Variants in GRID1 observed in about 807,000 individuals in gnomAD.
GRID1 encodes glutamate receptor ionotropic, delta-1.
Under a neutral mutation model 98.0 loss-of-function variants are expected in GRID1, and 28 were observed. That is an observed-to-expected ratio of 0.29 (90% CI 0.21 to 0.39). The LOEUF is 0.39. Among genes scored for constraint, GRID1 ranks in the 10% least tolerant of loss-of-function variants. The pLI is 1.00. For synonymous variants in GRID1, 553 were observed against 538.5 expected, an observed-to-expected ratio of 1.03 and a Z score of -0.37; for missense variants, 1,111 against 1,340.5, an observed-to-expected ratio of 0.83 and a Z score of 2.67.
At chr10:85,855,289 A>G (rs1278843500) in intron 7 of GRID1, among the ~76,000 whole-genome samples, 1 of 152,262 alleles carries the variant, frequency 6.6e-6, no homozygotes, top group Non-Finnish European at 1.5e-5. Flanking sequence ...TTCATAGGAG[A>G]AGGAGGCAGC....
intron 3 of GRID1, among the ~76,000 whole-genome samples, chr10:86,143,358 A>T (rs760500726): frequency 2.6e-5 from 4 of 152,132 alleles, no homozygotes; most frequent in Non-Finnish European, 4.4e-5. Context: ...TCCCTTCAAG[A>T]AACCAAATTT....
chr10:86,253,116 G>T (rs1335301529), intron 2 of GRID1, among the ~76,000 whole-genome samples: 1 of 152,188 alleles, frequency 6.6e-6, no homozygotes, highest in African/African-American at 2.4e-5. Flanking sequence ...TCCGAAAAGG[G>T]TTACTTTTTG....
In GRID1 at chr10:85,617,589, C is replaced by A. The variant is rs116870227; in HGVS notation, c.2360+2278G>T. Among the ~76,000 whole-genome samples, 410 of 152,290 alleles carry A rather than the reference C, an allele frequency of 2.7e-3. 2 individuals are homozygous for A. In the Middle Eastern group the frequency reaches 0.034, roughly 13 times the overall value. On this transcript the variant is annotated intron_variant, in intron 14 of 15. Transcript: ENST00000327946. ...AACCTGAGGTCTGAGTGTCCCCACT[C>A]AAGGGATAATTCCAGCCCAGGAGGA...
At chr10:86,185,905 C>A (rs115480023) in intron 3 of GRID1, among the ~76,000 whole-genome samples, 3,256 of 152,206 alleles carry the variant, frequency 0.021, 142 homozygotes, top group African/African-American at 0.073. Flanking sequence ...ACGTTTTGGT[C>A]AGTTTTAGTA....
intron 8 of GRID1, among the ~76,000 whole-genome samples, chr10:85,837,199 T>A (rs1842918527): frequency 6.6e-6 from 1 of 151,088 alleles, no homozygotes; most frequent in Non-Finnish European, 1.5e-5. Context: ...GAACAAAGGA[T>A]CCTCCCACAA....
chr10:85,705,037 A>C (rs538388228), intron 12 of GRID1, among the ~76,000 whole-genome samples: 3 of 152,124 alleles, frequency 2.0e-5, no homozygotes, highest in Admixed American at 6.6e-5. Flanking sequence ...AAAATTGACA[A>C]CCTAACATCA....
At chr10:85,718,285 G>A (rs921252777) in intron 12 of GRID1, among the ~76,000 whole-genome samples, 1 of 152,148 alleles carries the variant, frequency 6.6e-6, no homozygotes, top group Non-Finnish European at 1.5e-5. Context: ...CTTTTGCCTG[G>A]GCATCCAGGC....
intron 4 of GRID1, among the ~76,000 whole-genome samples, chr10:86,032,546 A>T (rs1008682265): frequency 3.9e-5 from 6 of 152,202 alleles, no homozygotes; most frequent in Non-Finnish European, 8.8e-5. Flanking sequence ...TGCTCTCTGA[A>T]ACATGTGCTG....
Position 85,647,197 on chromosome 10 carries a change from C to T in GRID1, c.2193+5G>A. ...GCACGTGCCCAAGCGCCAGCTCCTG[C>T]CTACCTTCCTGATGCCTTCTGAAGG... On this transcript the variant is annotated splice_donor_5th_base_variant and intron_variant, in intron 13 of 15. Coordinates refer to ENST00000327946, the MANE Select transcript of GRID1 (RefSeq NM_017551.3). 1 of 1,613,472 alleles carries T rather than the reference C, an allele frequency of 6.2e-7. No homozygotes were observed. Among genetic ancestry groups the T allele is most frequent in the Non-Finnish European group, 8.5e-7 (1 of 1,179,388 alleles).
intron 8 of GRID1, among the ~76,000 whole-genome samples, chr10:85,817,099 G>A (rs867614137): frequency 2.6e-5 from 4 of 152,162 alleles, no homozygotes; most frequent in Non-Finnish European, 4.4e-5. Context: ...TATCCAGTCT[G>A]CCATTGATGG....
At chr10:86,182,490 G>T (rs2132002345) in intron 3 of GRID1, among the ~76,000 whole-genome samples, 1 of 152,310 alleles carries the variant, frequency 6.6e-6, no homozygotes, top group South Asian at 2.1e-4. Flanking sequence ...ATCGGCTTCT[G>T]CCTACCACTG....
chr10:86,300,143 G>A (rs1410652824), intron 2 of GRID1, among the ~76,000 whole-genome samples: 2 of 152,030 alleles, frequency 1.3e-5, no homozygotes, highest in South Asian at 2.1e-4. Context: ...ATTTGAGGAT[G>A]GTGGCAGAAA....
intron 8 of GRID1, among the ~76,000 whole-genome samples, chr10:85,787,587 G>A (rs1036731655): frequency 6.6e-6 from 1 of 152,176 alleles, no homozygotes; most frequent in Non-Finnish European, 1.5e-5. Context: ...TGCCCAGCCA[G>A]CTCCATTTCC....
chr10:85,868,985 TGGAGA>T lies in GRID1; in HGVS notation c.951+20_951+24del. Reference sequence around the variant, plus strand: ...GGGTGAGACTCTTGGTGGAGGGGACTGGAGAGAAGAGGCTGAGCACTGACCTGCAG... The same window carrying T: ...GGGTGAGACTCTTGGTGGAGGGGACTGAAGAGGCTGAGCACTGACCTGCAG... On this transcript the variant is annotated intron_variant, in intron 6 of 15. Transcript: ENST00000327946. 1 of 1,606,248 alleles carries T rather than the reference TGGAGA, an allele frequency of 6.2e-7. No homozygotes were observed. The highest frequency in any genetic ancestry group is 8.5e-7 in the Non-Finnish European group (1 of 1,174,284).
At chr10:85,657,615 G>T (rs1840915608) in intron 12 of GRID1, among the ~76,000 whole-genome samples, 1 of 152,212 alleles carries the variant, frequency 6.6e-6, no homozygotes, top group Non-Finnish European at 1.5e-5. Flanking sequence ...TCAATCATCT[G>T]CAGAGAAGCA....
At chr10:85,724,750 A>G in intron 10 of GRID1, 74 bp from the exon 11 acceptor site, 2 of 1,236,980 alleles carry the variant, frequency 1.6e-6, no homozygotes, top group East Asian at 2.3e-5. Context: ...GTCAAGGTCC[A>G]CCCTCTGTCC....
intron 8 of GRID1, among the ~76,000 whole-genome samples, chr10:85,741,519 CAGT>C (rs1841942778): frequency 6.6e-6 from 1 of 152,086 alleles, no homozygotes; most frequent in African/African-American, 2.4e-5. Context: ...AACATAGGCA[CAGT>C]AAAGTCGGAG....
intron 9 of GRID1, 96 bp from the exon 10 acceptor site, chr10:85,728,148 T>C (rs1841783278): frequency 2.1e-6 from 2 of 942,654 alleles, no homozygotes; most frequent in South Asian, 1.4e-5. Context: ...GATTAGAACA[T>C]TTGCAGTTCC....
Position 85,846,689 on chromosome 10 carries a change from T to A in GRID1, c.1233+7807A>T, listed in dbSNP as rs1293598527. ...AAAATAAAGCAAGACAACACAAATA[T>A]GTAATAATAGGAATGAAGAGGGAGA... On this transcript the variant is annotated intron_variant, in intron 8 of 15. Coordinates refer to ENST00000327946, the MANE Select transcript of GRID1 (RefSeq NM_017551.3). 3.9e-5 allele frequency among the ~76,000 whole-genome samples: 6 copies of A among 152,050 alleles called. No homozygotes were observed. In the South Asian group the frequency reaches 1.2e-3, roughly 32 times the overall value.
Sources: allele counts gnomAD v4.1 joint callset (sites outside exome capture counted in the v4.1 genomes callset), GRCh38; gene constraint gnomAD v4.1.1; transcripts MANE v1.5; gene names NCBI Gene and HGNC (gene_info 2026-07-23, HGNC 2026-07-21).